The following COLEC12 variants were observed in gnomAD, a reference collection of about 807,000 sequenced individuals.
The protein encoded by COLEC12 is collectin-12.
In COLEC12, 33 loss-of-function variants were observed where a neutral mutation model predicts 71.1. The observed-to-expected ratio is 0.46, with a 90% CI of 0.35 to 0.62. The LOEUF is 0.62. Among genes scored for constraint, COLEC12 ranks in the 20% least tolerant of loss-of-function variants. COLEC12 has a pLI of 0.00. For missense variants in COLEC12, 765 were observed against 916.1 expected (o/e 0.84, Z 2.13); for synonymous variants, 350 against 353.0 (o/e 0.99, Z 0.10).
chr18:416,581 G>A (rs1201527727), intron 2 of COLEC12, among the ~76,000 whole-genome samples: 8 of 152,032 alleles, frequency 5.3e-5, no homozygotes, highest in African/African-American at 1.4e-4. Flanking sequence ...CTTTCATTAT[G>A]AGCAAGAGGT....
At chr18:473,569 G>A (rs1172437814) in intron 2 of COLEC12, among the ~76,000 whole-genome samples, 1 of 151,950 alleles carries the variant, frequency 6.6e-6, no homozygotes, top group South Asian at 2.1e-4. Flanking sequence ...CTCCACATTG[G>A]TCAGGCTAAT....
At chr18:492,730 C>G (rs576842560) in intron 1 of COLEC12, among the ~76,000 whole-genome samples, 1 of 152,014 alleles carries the variant, frequency 6.6e-6, no homozygotes, top group Non-Finnish European at 1.5e-5. Flanking sequence ...AAAAATAACA[C>G]CGATACGTCT....
intron 2 of COLEC12, among the ~76,000 whole-genome samples, chr18:435,514 A>C (rs1225154410): frequency 1.3e-5 from 2 of 152,190 alleles, no homozygotes; most frequent in Non-Finnish European, 2.9e-5. Context: ...CCCACCCTTG[A>C]CATGTGGGGA....
chr18:498,913 G>A (rs1917765082), intron 1 of COLEC12, among the ~76,000 whole-genome samples: 1 of 152,068 alleles, frequency 6.6e-6, no homozygotes, highest in Admixed American at 6.6e-5. Context: ...GTGCAATAGC[G>A]GTCCTTTACC....
chr18:363,258 C>T (rs1318568534), intron 2 of COLEC12, among the ~76,000 whole-genome samples: 2 of 152,144 alleles, frequency 1.3e-5, no homozygotes, highest in African/African-American at 2.4e-5. Flanking sequence ...CCTTCACTCT[C>T]ATATTTTTTT....
At chr18:456,904 C>T (rs1567913437) in intron 2 of COLEC12, among the ~76,000 whole-genome samples, 1 of 152,162 alleles carries the variant, frequency 6.6e-6, no homozygotes, top group Admixed American at 6.5e-5. Context: ...GCCTATATAC[C>T]TGAGGACCCT....
At chr18:422,840 C>T (rs1424100074) in intron 2 of COLEC12, among the ~76,000 whole-genome samples, 1 of 152,146 alleles carries the variant, frequency 6.6e-6, no homozygotes, top group Non-Finnish European at 1.5e-5. Flanking sequence ...TATACTAATG[C>T]TCTCTTTAAA....
intron 2 of COLEC12, among the ~76,000 whole-genome samples, chr18:468,511 G>A (rs780389755): frequency 4.5e-4 from 69 of 152,210 alleles, no homozygotes; most frequent in Middle Eastern, 3.4e-3. Flanking sequence ...TTCCAATTCA[G>A]AAGTCTTTAA....
At chr18:350,408 G>A (rs1567880824) in intron 3 of COLEC12, among the ~76,000 whole-genome samples, 1 of 152,148 alleles carries the variant, frequency 6.6e-6, no homozygotes, top group Non-Finnish European at 1.5e-5. Flanking sequence ...TCTCGGGTAT[G>A]TCTTTATCAG....
chr18:394,650 A>G (rs1372640994), intron 2 of COLEC12, among the ~76,000 whole-genome samples: 1 of 152,214 alleles, frequency 6.6e-6, no homozygotes, highest in Non-Finnish European at 1.5e-5. Flanking sequence ...TAATGGGATT[A>G]TTATTGTTTC....
chr18:467,713 T>G (rs1298262481), intron 2 of COLEC12, among the ~76,000 whole-genome samples: 1 of 152,228 alleles, frequency 6.6e-6, no homozygotes, highest in Non-Finnish European at 1.5e-5. Context: ...TCTAGAGATC[T>G]GGAACAGAGT....
rs1915904234 is a variant in COLEC12, at chr18:412,117, G to C, written c.59-54595C>G. Among the ~76,000 whole-genome samples the C allele has an allele frequency of 3.9e-5, 6 of 152,218 alleles. No individual in the cohort carries two copies. In the South Asian group the frequency reaches 1.2e-3, roughly 32 times the overall value. On this transcript the variant is annotated intron_variant, in intron 2 of 9. Transcript: ENST00000400256. Reference sequence around the variant, plus strand: ...ATGAACCTACATATTCAGATGATGAGTGAATTCCAAACAGGATAAAGCCAA... The same window carrying C: ...ATGAACCTACATATTCAGATGATGACTGAATTCCAAACAGGATAAAGCCAA...
chr18:461,243 C>A (rs1916977687), intron 2 of COLEC12, among the ~76,000 whole-genome samples: 2 of 151,758 alleles, frequency 1.3e-5, no homozygotes, highest in Admixed American at 6.6e-5. Context: ...TTTCTAGTAG[C>A]AATATTAAAA....
intron 2 of COLEC12, among the ~76,000 whole-genome samples, chr18:404,910 CT>C (rs1915756562): frequency 6.6e-6 from 1 of 152,154 alleles, no homozygotes; most frequent in Non-Finnish European, 1.5e-5. Flanking sequence ...TATTTTTCTT[CT>C]TGCAGAGAGC....
chr18:333,012 C>A lies in COLEC12; in HGVS notation c.1948G>T (p.Glu650Ter). The A allele has an allele frequency of 6.3e-7, 1 of 1,588,244 alleles. No individual in the cohort carries two copies. The highest frequency in any genetic ancestry group is 8.5e-7 in the Non-Finnish European group (1 of 1,170,856). Residue 650 changes from glutamate (E) to a stop codon, truncating the protein, a stop_gained, in exon 7 of 10, where the codon GAA becomes TAA. Transcript: ENST00000400256. LOFTEE classifies it high-confidence loss of function. ...CAAGTATGTGGCAGGCATACCTGTT[C>A]CTCTCTAGTGTTTATGAAAACAAGA... ...SHLVFINTRE[E>*]QQWIKKQMVG...
chr18:348,647 G>A (rs1304898766), intron 3 of COLEC12, among the ~76,000 whole-genome samples: 3 of 152,100 alleles, frequency 2.0e-5, no homozygotes, highest in Admixed American at 2.0e-4. Context: ...ACACAAAATC[G>A]GCATAGAAAG....
At chr18:361,645 A>G (rs1308020599) in intron 2 of COLEC12, among the ~76,000 whole-genome samples, 1 of 152,220 alleles carries the variant, frequency 6.6e-6, no homozygotes, top group Non-Finnish European at 1.5e-5. Flanking sequence ...GACTCTTTAC[A>G]TCCAATAAGG....
intron 2 of COLEC12, among the ~76,000 whole-genome samples, chr18:403,227 T>A (rs1915722631): frequency 6.6e-6 from 1 of 152,200 alleles, no homozygotes; most frequent in Non-Finnish European, 1.5e-5. Context: ...CATGTACACA[T>A]GAACACAAAT....
chr18:465,776 T>C (rs1277110113), intron 2 of COLEC12, among the ~76,000 whole-genome samples: 1 of 151,838 alleles, frequency 6.6e-6, no homozygotes, highest in African/African-American at 2.4e-5. Flanking sequence ...TCTAAAGGAG[T>C]AAATAGTTAC....
Sources: allele counts gnomAD v4.1 joint callset (sites outside exome capture counted in the v4.1 genomes callset), GRCh38; gene constraint gnomAD v4.1.1; transcripts MANE v1.5; gene names NCBI Gene and HGNC (gene_info 2026-07-23, HGNC 2026-07-21).